Variants in KCNN1 observed in about 807,000 individuals in gnomAD.
KCNN1 encodes small conductance calcium-activated potassium channel protein 1.
In KCNN1, 20 loss-of-function variants were observed where a neutral mutation model predicts 44.7. That is an observed-to-expected ratio of 0.45 (90% CI 0.32 to 0.65). The LOEUF (loss-of-function observed/expected upper bound fraction) is 0.65, where lower values mean the gene tolerates loss of function less well. KCNN1 is among the 30% of genes least tolerant of loss of function. The pLI is 0.05. For missense variants in KCNN1, 632 were observed against 785.3 expected, an observed-to-expected ratio of 0.80 and a Z score of 2.33; for synonymous variants, 324 against 341.7, an observed-to-expected ratio of 0.95 and a Z score of 0.57.
intron 3 of KCNN1, 57 bp from the exon 4 acceptor site, chr19:17,981,652 G>T: frequency 4.7e-6 from 7 of 1,485,944 alleles, no homozygotes; most frequent in Non-Finnish European, 6.3e-6. Flanking sequence ...GTGGGGCTGG[G>T]CAGGGAGCGC....
rs1599388666 is a variant in KCNN1 at position 17,999,842 on chromosome 19, T to G, written c.*1436T>G. 1 of 388,558 alleles carries G rather than the reference T, an allele frequency of 2.6e-6. No homozygotes were observed. The allele number at this position is 388,558 out of a possible 1,614,324, so 24.1% of individuals were successfully genotyped here. A position where few individuals can be genotyped will look rare whatever the true frequency, so the allele number is the denominator to read the frequency against. ...AACGAGATAACTAGGCCGTGGCTGG[T>G]GCATGAATGACCAGCTTGGGCCCAC... On this transcript the variant is annotated 3_prime_UTR_variant, in exon 10 of 10. Transcript: ENST00000684775.
chr19:17,957,764 G>A lies in KCNN1; in HGVS notation c.-82+3083G>A, dbSNP rs1599994040. ...TTCAGAGCAATGGGGAACCATGGCA[G>A]GTGTGTGAGCAGGGGAGAGGCATGG... On this transcript the variant is annotated intron_variant, in intron 2 of 10. Transcript: ENST00000222249. Among the ~76,000 whole-genome samples, 3 of 152,258 alleles carry A rather than the reference G, an allele frequency of 2.0e-5. No homozygotes were observed. The East Asian group carries it at 5.8e-4, about 29-fold the overall frequency.
chr19:17,987,771 T>G (rs1599371757), intron 5 of KCNN1, among the ~76,000 whole-genome samples: 1 of 139,800 alleles, frequency 7.2e-6, no homozygotes, highest in South Asian at 2.2e-4. Flanking sequence ...CCGAGGTGGG[T>G]GGATCATTTG....
chr19:17,998,545 C>G lies in KCNN1; in HGVS notation c.*139C>G. On this transcript the variant is annotated 3_prime_UTR_variant, in exon 10 of 10. Coordinates refer to ENST00000684775, the MANE Select transcript of KCNN1 (RefSeq NM_001386974.1). The surrounding 1 kb of genome is among the most constrained non-coding windows in gnomAD (Gnocchi z 5.4). Reference sequence around the variant, plus strand: ...TGAGTGGACTGAGGCCTGCCCCGCCCAGACTGCCCAGGCAGAGGGCAGGGC... The same window carrying G: ...TGAGTGGACTGAGGCCTGCCCCGCCGAGACTGCCCAGGCAGAGGGCAGGGC... 1.1e-6 allele frequency: 1 copy of G among 903,630 alleles called. No homozygotes were observed. 56.0% of individuals were successfully genotyped at this position (903,630 alleles called of 1,614,324 possible).
Position 17,974,142 on chromosome 19 carries a change from A to G in KCNN1, c.254A>G (p.Lys85Arg), listed in dbSNP as rs1473824167. 2.5e-6 allele frequency: 4 copies of G among 1,613,454 alleles called. No homozygotes were observed. Among genetic ancestry groups the G allele is most frequent in the South Asian group, 1.1e-5 (1 of 91,082 alleles). Reference protein sequence around the residue: ...DEAGRQRASGKPSNVGHRLGH... With the variant: ...DEAGRQRASGRPSNVGHRLGH... ...GCCGGCAGGCAGAGAGCCTCGGGGA[A>G]ACCCTCAAATGTGGGCCACCGCCTG... Residue 85 changes from lysine (K) to arginine (R), a missense_variant, in exon 2 of 10, where the codon AAA becomes AGA. Physicochemically the swap from Lys to Arg is conservative, Grantham distance 26. Transcript: ENST00000684775. The surrounding 1 kb of genome is among the most constrained non-coding windows in gnomAD (Gnocchi z 7.3).
chr19:17,977,828 T>C (rs1446589838), intron 3 of KCNN1, among the ~76,000 whole-genome samples: 1 of 152,084 alleles, frequency 6.6e-6, no homozygotes, highest in East Asian at 1.9e-4. Flanking sequence ...TTTCTGATAC[T>C]GAACATGGAT....
upstream of KCNN1, among the ~76,000 whole-genome samples, chr19:17,962,931 G>C (rs1248388572): frequency 6.7e-6 from 1 of 150,008 alleles, no homozygotes; most frequent in African/African-American, 2.5e-5. Flanking sequence ...TTGAACTCCT[G>C]ACCTCATGAT....
chr19:17,962,374 C>A (rs984719864), upstream of KCNN1, among the ~76,000 whole-genome samples: 3 of 152,202 alleles, frequency 2.0e-5, no homozygotes, highest in African/African-American at 7.2e-5. Context: ...AGTCCCTCCC[C>A]TCCCATCCTG....
intron 6 of KCNN1, 93 bp from the exon 7 acceptor site, chr19:17,989,623 A>G: frequency 6.3e-7 from 1 of 1,580,776 alleles, no homozygotes; most frequent in Non-Finnish European, 8.6e-7. Context: ...CATTTCCAGA[A>G]GTTTCTAGAG....
Position 17,967,172 on chromosome 19 carries a change from C to CGGCCCCGCCGCCCCCG in KCNN1, c.-218_-203dup, listed in dbSNP as rs1409016161. The CGGCCCCGCCGCCCCCG allele has an allele frequency of 2.1e-6, 2 of 945,550 alleles. No homozygotes were observed. The highest frequency in any genetic ancestry group is 1.8e-5 in the African/African-American group (1 of 56,004). The allele number at this position is 945,550 out of a possible 1,614,324, so 58.6% of individuals were successfully genotyped here. A position where few individuals can be genotyped will look rare whatever the true frequency, so the allele number is the denominator to read the frequency against. Reference sequence around the variant, plus strand: ...GGGATGCGCCTGCCGCCGCCGCCCCCGGCCCCGCCGCCCCCGGGCCCCGCG... The same window carrying CGGCCCCGCCGCCCCCG: ...GGGATGCGCCTGCCGCCGCCGCCCCCGGCCCCGCCGCCCCCGGGCCCCGCCGCCCCCGGGCCCCGCG... On this transcript the variant is annotated 5_prime_UTR_variant, in exon 1 of 10. Transcript: ENST00000684775.
upstream of KCNN1, among the ~76,000 whole-genome samples, chr19:17,966,885 G>A (rs971141792): frequency 6.6e-6 from 1 of 151,606 alleles, no homozygotes; most frequent in Admixed American, 6.6e-5. Flanking sequence ...GGGCTGTTGG[G>A]GGCGGGGGTT....
intron 1 of KCNN1, chr19:17,951,528 C>G (rs1376245509): frequency 6.6e-6 from 1 of 152,296 alleles, no homozygotes; most frequent in East Asian, 1.9e-4. Context: ...CCGAGCCAGA[C>G]CCCGCGAGCC....
At chr19:17,958,908 A>G (rs947275876) in intron 2 of KCNN1, among the ~76,000 whole-genome samples, 2 of 150,256 alleles carry the variant, frequency 1.3e-5, no homozygotes, top group East Asian at 2.0e-4. Context: ...CACCGTGTTA[A>G]CCAGGATGGT....
rs1057261 is a variant in KCNN1, at chr19:17,998,505, A to G, written c.*99A>G. The G allele has an allele frequency of 0.53, 644,389 of 1,213,070 alleles. 173,728 individuals are homozygous for G. The highest frequency in any genetic ancestry group is 0.6 in the African/African-American group (38,978 of 64,554). 75.1% of individuals were successfully genotyped at this position (1,213,070 alleles called of 1,614,324 possible). On this transcript the variant is annotated 3_prime_UTR_variant, in exon 10 of 10. Coordinates refer to ENST00000684775, the MANE Select transcript of KCNN1 (RefSeq NM_001386974.1). This position sits in a 1 kb window ranked among gnomAD's most constrained non-coding sequence, Gnocchi z 5.4. ...GGCGCCTCTTGGAGTTCAAGAAGCC[A>G]ACGCTGAGTCAGGCTGAGTGGACTG... is the stretch of plus-strand genomic sequence containing the variant.
upstream of KCNN1, among the ~76,000 whole-genome samples, chr19:17,962,606 G>A (rs2031707012): frequency 5.3e-5 from 8 of 151,682 alleles, no homozygotes; most frequent in South Asian, 1.7e-3. Context: ...TCAGGAACAA[G>A]CCCTCTGCGA....
In KCNN1 at chr19:17,993,710, A is replaced by C. The variant is rs951255398; in HGVS notation, c.1377+151A>C. ...GATCGCTTGAGCTCAGGAGTTTGAG[A>C]CCAGCCTGGGCAACATGGTGAAATC... On this transcript the variant is annotated intron_variant, in intron 9 of 9. Transcript: ENST00000684775. This position sits in a 1 kb window ranked among gnomAD's most constrained non-coding sequence, Gnocchi z 4.5. Among the ~76,000 whole-genome samples, 4 of 151,966 alleles carry C rather than the reference A, an allele frequency of 2.6e-5. No homozygotes were observed. The highest frequency in any genetic ancestry group is 2.9e-5 in the Non-Finnish European group (2 of 67,996).
Position 17,973,835 on chromosome 19 carries a change from C to T in KCNN1, c.-54C>T, listed in dbSNP as rs1318330153. The T allele has an allele frequency of 6.5e-7, 1 of 1,535,824 alleles. No individual in the cohort carries two copies. Among genetic ancestry groups the T allele is most frequent in the African/African-American group, 1.4e-5 (1 of 72,870 alleles). Reference sequence around the variant, plus strand: ...CAGTGCAGGAGCCCAGCCGCTGAGCCATGCCGGGCCCCGGGCGGCCTGCAG... The same window carrying T: ...CAGTGCAGGAGCCCAGCCGCTGAGCTATGCCGGGCCCCGGGCGGCCTGCAG... On this transcript the variant is annotated 5_prime_UTR_variant, in exon 2 of 10. Transcript: ENST00000684775.
chr19:17,971,566 G>A (rs1038664965), intron 1 of KCNN1, among the ~76,000 whole-genome samples: 2 of 151,962 alleles, frequency 1.3e-5, no homozygotes, highest in Non-Finnish European at 2.9e-5. Context: ...GGGTTCAAGC[G>A]ATTCTCCTGT....
intron 2 of KCNN1, among the ~76,000 whole-genome samples, chr19:17,955,265 AAAAAAAG>A (rs2031514493): frequency 6.6e-6 from 1 of 151,406 alleles, no homozygotes; most frequent in African/African-American, 2.4e-5. Context: ...ATTAAAAAAA[AAAAAAAG>A]AAAAAAGGCC....
Sources: allele counts gnomAD v4.1 joint callset (sites outside exome capture counted in the v4.1 genomes callset), GRCh38; gene constraint gnomAD v4.1.1; non-coding constraint Gnocchi (gnomAD v3.1); transcripts MANE v1.5; gene names NCBI Gene and HGNC (gene_info 2026-07-23, HGNC 2026-07-21).